The following ADAMTSL1 variants were observed in gnomAD, a reference collection of about 807,000 sequenced individuals.
ADAMTSL1 encodes ADAMTS-like protein 1.
A neutral mutation model predicts 201.8 loss-of-function variants in ADAMTSL1; 126 were observed. That is an observed-to-expected ratio of 0.62 (90% confidence interval 0.54 to 0.72). The LOEUF (loss-of-function observed/expected upper bound fraction) is 0.72. ADAMTSL1 is among the 30% of genes least tolerant of loss of function. ADAMTSL1 has a pLI of 0.00. For synonymous variants in ADAMTSL1, 1,121 were observed against 903.4 expected, an observed-to-expected ratio of 1.24 and a Z score of -4.32; for missense variants, 2,679 against 2,277.8, an observed-to-expected ratio of 1.18 and a Z score of -3.59.
intron 7 of ADAMTSL1, among the ~76,000 whole-genome samples, chr9:18,640,598 C>A (rs983849547): frequency 2.6e-5 from 4 of 152,026 alleles, no homozygotes; most frequent in Non-Finnish European, 5.9e-5. Context: ...CCCATAGGCA[C>A]AACAAGCCCG....
chr9:18,720,875 A>T (rs889805432), intron 14 of ADAMTSL1, among the ~76,000 whole-genome samples: 1 of 152,192 alleles, frequency 6.6e-6, no homozygotes, highest in Non-Finnish European at 1.5e-5. Context: ...TCACTGCTCA[A>T]ACTCCTGTTT....
chr9:18,410,279 A>G lies in ADAMTSL1; in HGVS notation c.208-94550A>G, dbSNP rs534593323. On this transcript the variant is annotated intron_variant, in intron 2 of 29. Transcript: ENST00000680146. ...GTTGTTACATAGGTAAACGTGTGCCATGGTGGTTTACTGTGCAGATCATCC... is the reference window on the plus strand; with the variant it reads ...GTTGTTACATAGGTAAACGTGTGCCGTGGTGGTTTACTGTGCAGATCATCC... 3.3e-5 allele frequency among the ~76,000 whole-genome samples: 5 copies of G among 151,676 alleles called. No individual in the cohort carries two copies. The South Asian group carries it at 6.3e-4, about 19-fold the overall frequency.
At chr9:18,566,851 T>A (rs544050223) in intron 3 of ADAMTSL1, among the ~76,000 whole-genome samples, 103 of 152,318 alleles carry the variant, frequency 6.8e-4, no homozygotes, top group African/African-American at 2.2e-3. Context: ...AGGAGACTAT[T>A]GCAAGAACGC....
chr9:17,985,673 C>A (rs953801319), intron 1 of ADAMTSL1, among the ~76,000 whole-genome samples: 1 of 152,076 alleles, frequency 6.6e-6, no homozygotes, highest in East Asian at 1.9e-4. Flanking sequence ...CATAATTATA[C>A]ACAGAATTCC....
chr9:17,932,974 A>G (rs996088675), intron 1 of ADAMTSL1, among the ~76,000 whole-genome samples: 3 of 152,162 alleles, frequency 2.0e-5, no homozygotes, highest in Non-Finnish European at 4.4e-5. Flanking sequence ...TGTCAGATCA[A>G]CTAAGCCTGG....
At chr9:18,608,998 T>C (rs151320211) in intron 4 of ADAMTSL1, among the ~76,000 whole-genome samples, 1 of 152,240 alleles carries the variant, frequency 6.6e-6, no homozygotes, top group African/African-American at 2.4e-5. Flanking sequence ...TTTCATTACA[T>C]TCAACTGGCA....
intron 2 of ADAMTSL1, among the ~76,000 whole-genome samples, chr9:18,299,336 G>C (rs1030602009): frequency 2.0e-5 from 3 of 152,132 alleles, no homozygotes; most frequent in South Asian, 4.1e-4. Context: ...TCCATTGGCA[G>C]AGAAAATACT....
chr9:18,287,142 C>A (rs141972512), intron 2 of ADAMTSL1, among the ~76,000 whole-genome samples: 49 of 152,212 alleles, frequency 3.2e-4, no homozygotes, highest in Middle Eastern at 6.8e-3. Flanking sequence ...GATAATATGG[C>A]CTTGTTACTG....
intron 2 of ADAMTSL1, among the ~76,000 whole-genome samples, chr9:18,251,873 T>G (rs1475024426): frequency 6.6e-6 from 1 of 152,166 alleles, no homozygotes; most frequent in Non-Finnish European, 1.5e-5. Context: ...TGGGAAAAAT[T>G]TGGTTCAACT....
intron 15 of ADAMTSL1, among the ~76,000 whole-genome samples, chr9:18,749,349 A>C (rs1326557718): frequency 6.6e-6 from 1 of 152,194 alleles, no homozygotes; most frequent in African/African-American, 2.4e-5. Flanking sequence ...ATACAGTAAG[A>C]GAATTTTACC....
chr9:18,400,876 G>T (rs1165004396), intron 2 of ADAMTSL1, among the ~76,000 whole-genome samples: 1 of 152,136 alleles, frequency 6.6e-6, no homozygotes, highest in Non-Finnish European at 1.5e-5. Context: ...AGTATTTCAT[G>T]AAGCTCAGGA....
intron 1 of ADAMTSL1, among the ~76,000 whole-genome samples, chr9:18,024,814 C>T (rs1325054682): frequency 1.3e-5 from 2 of 152,076 alleles, no homozygotes; most frequent in African/African-American, 4.8e-5. Context: ...AATGGTAGTT[C>T]TATTTTTAGT....
In ADAMTSL1 at chr9:18,889,801, C is replaced by G. The variant is rs185863457; in HGVS notation, c.4643+53C>G. 2.7e-4 allele frequency: 381 copies of G among 1,402,586 alleles called. 2 individuals are homozygous for G. In the African/African-American group the frequency reaches 5.1e-3, roughly 19 times the overall value. 86.9% of individuals were successfully genotyped at this position (1,402,586 alleles called of 1,614,324 possible). A position where few individuals can be genotyped will look rare whatever the true frequency, so the allele number is the denominator to read the frequency against. On this transcript the variant is annotated intron_variant, in intron 25 of 28. Coordinates refer to ENST00000380548, the MANE Select transcript of ADAMTSL1 (RefSeq NM_001040272.6). ...CTCCCCACCCTAGGAGGAGCCCTCC[C>G]TGTTAGCGAAGTCAGTGGCCAGCCC...
intron 4 of ADAMTSL1, among the ~76,000 whole-genome samples, chr9:18,586,961 C>T (rs1050391066): frequency 6.6e-6 from 1 of 151,932 alleles, no homozygotes; most frequent in Admixed American, 6.6e-5. Context: ...AGATTAAAGA[C>T]TTAAATGTAA....
intron 1 of ADAMTSL1, among the ~76,000 whole-genome samples, chr9:18,157,492 A>C (rs748134218): frequency 6.6e-6 from 1 of 151,954 alleles, no homozygotes; most frequent in African/African-American, 2.4e-5. Context: ...ATTCAGCTAC[A>C]TCTGGTCACC....
intron 1 of ADAMTSL1, among the ~76,000 whole-genome samples, chr9:18,485,170 A>T (rs1010225340): frequency 2.0e-5 from 3 of 152,180 alleles, no homozygotes; most frequent in Non-Finnish European, 2.9e-5. Flanking sequence ...CTCAGTCGGT[A>T]GGGGAAGAGT....
intron 19 of ADAMTSL1, among the ~76,000 whole-genome samples, chr9:18,778,398 C>G (rs528339633): frequency 1.5e-4 from 23 of 152,326 alleles, no homozygotes; most frequent in Admixed American, 1.3e-3. Context: ...CTGGACAAGG[C>G]TGTTTGTTCC....
At chr9:18,694,842 A>C (rs1272244808) in intron 13 of ADAMTSL1, among the ~76,000 whole-genome samples, 1 of 152,194 alleles carries the variant, frequency 6.6e-6, no homozygotes, top group Middle Eastern at 3.2e-3. Context: ...ATACTGTTCT[A>C]GTAGAGGTTC....
intron 2 of ADAMTSL1, among the ~76,000 whole-genome samples, chr9:18,282,688 C>T (rs1041500445): frequency 1.3e-5 from 2 of 152,076 alleles, no homozygotes; most frequent in African/African-American, 4.8e-5. Flanking sequence ...ACCTGAGGTC[C>T]AGAATTCAAC....
Sources: gnomAD v4.1 joint callset for allele counts (sites outside exome capture counted in the v4.1 genomes callset) on GRCh38, gnomAD v4.1.1 for gene constraint, MANE v1.5 for transcripts, NCBI Gene and HGNC (gene_info 2026-07-23, HGNC 2026-07-21) for gene names.